The following MAP7D2 variants were observed in gnomAD, a reference collection of about 807,000 sequenced individuals.
MAP7D2 encodes the protein MAP7 domain-containing protein 2.
In MAP7D2, 33 loss-of-function variants were observed where a neutral mutation model predicts 63.5. The ratio of observed to expected loss-of-function variants is 0.52; its 90% confidence interval spans 0.39 to 0.70. MAP7D2 has a LOEUF of 0.70. Ranked by LOEUF, MAP7D2 falls within the 30% of genes least tolerant of loss-of-function variation. MAP7D2 has a pLI of 0.00. For missense variants in MAP7D2, 626 were observed against 604.0 expected (o/e 1.04, Z -0.38); for synonymous variants, 224 against 223.7 (o/e 1.00, Z -0.01).
chrX:20,052,898 A>G lies in MAP7D2; in HGVS notation c.575T>C (p.Ile192Thr). ...NKRLSSSTVA[I>T]SYSPDRAHHM... ...CTTGCCTCGGTCTGGGGAATAGGAT[A>G]TTGCCACGGTGGATGAAGACAGGCG... is the stretch of plus-strand genomic sequence containing the variant. The change falls in exon 5 of 17, where the codon ATA becomes ACA. Residue 192 changes from isoleucine (I) to threonine (T), a missense_variant. Coordinates refer to ENST00000379643, the MANE Select transcript of MAP7D2 (RefSeq NM_001168465.2). The G allele has an allele frequency of 8.3e-7, 1 of 1,208,850 alleles. No homozygotes were observed. The highest frequency in any genetic ancestry group is 1.1e-6 in the Non-Finnish European group (1 of 892,543).
intron 8 of MAP7D2, 42 bp from the exon 9 acceptor site, chrX:20,025,994 G>C (rs751496785): frequency 3.4e-6 from 4 of 1,171,328 alleles, no homozygotes; most frequent in Non-Finnish European, 4.6e-6. Flanking sequence ...TACTGGGCCT[G>C]AACACAGAGC....
intron 1 of MAP7D2, among the ~76,000 whole-genome samples, chrX:20,112,116 C>T (rs749269459): frequency 3.6e-5 from 4 of 111,769 alleles, no homozygotes; most frequent in Non-Finnish European, 5.6e-5. Context: ...ACGGATGAAG[C>T]GGGTGAGATG....
chrX:20,037,964 C>T (rs890078091), intron 8 of MAP7D2, among the ~76,000 whole-genome samples: 2 of 111,512 alleles, frequency 1.8e-5, no homozygotes, highest in African/African-American at 6.5e-5. Flanking sequence ...AAAGTGGCCA[C>T]GGTGGCAGGG....
chrX:20,065,824 T>C (rs1188775252), intron 1 of MAP7D2, among the ~76,000 whole-genome samples: 1 of 112,083 alleles, frequency 8.9e-6, no homozygotes, highest in East Asian at 2.8e-4. Flanking sequence ...ATTAAATGGA[T>C]CTTCATGATC....
Position 20,013,111 on chromosome X carries a change from C to G in MAP7D2, c.1828G>C (p.Val610Leu). ...QVKKEDPKVGVQPAVCVEKKT... is the reference protein window; with the variant it reads ...QVKKEDPKVGLQPAVCVEKKT... ...TTTTCCACACACACAGCAGGCTGGA[C>G]CCCCACTTTGGGGTCTTCTTTCTGA... Residue 610 changes from valine to leucine, a missense_variant, in exon 14 of 17, where the codon GTC (valine) becomes CTC (leucine). Transcript: ENST00000379643. The G allele has an allele frequency of 8.3e-7, 1 of 1,209,385 alleles. No homozygotes were observed. Among genetic ancestry groups the G allele is most frequent in the Non-Finnish European group, 1.1e-6 (1 of 893,764 alleles).
intron 1 of MAP7D2, among the ~76,000 whole-genome samples, chrX:20,086,960 G>A (rs980967584): frequency 1.4e-4 from 16 of 111,160 alleles, no homozygotes; most frequent in Admixed American, 5.8e-4. Flanking sequence ...TATGCAGTAA[G>A]TACTATTATT....
rs1262322770 is a variant in MAP7D2, at chrX:20,007,671, G to C, written c.*754C>G. 1.8e-5 allele frequency: 2 copies of C among 111,732 alleles called. No individual in the cohort carries two copies. Among genetic ancestry groups the C allele is most frequent in the African/African-American group, 6.5e-5 (2 of 30,696 alleles). The allele number at this position is 111,732 out of a possible 1,213,427, so 9.2% of individuals were successfully genotyped here. Reference sequence around the variant, plus strand: ...CAGCTGGAAAGCCACTCCATGGTCTGGAGTGACTACAGCATGAAGATTTTA... The same window carrying C: ...CAGCTGGAAAGCCACTCCATGGTCTCGAGTGACTACAGCATGAAGATTTTA... On this transcript the variant is annotated 3_prime_UTR_variant, in exon 17 of 17. Coordinates refer to ENST00000379643, the MANE Select transcript of MAP7D2 (RefSeq NM_001168465.2).
chrX:20,057,932 G>A (rs1396884127), intron 3 of MAP7D2, among the ~76,000 whole-genome samples: 5 of 112,446 alleles, frequency 4.4e-5, no homozygotes, highest in African/African-American at 1.6e-4. Context: ...TATCCCTTCT[G>A]TCTATACCAG....
chrX:20,069,573 G>A, intron 1 of MAP7D2, among the ~76,000 whole-genome samples: 1 of 109,230 alleles, frequency 9.2e-6, no homozygotes, highest in Non-Finnish European at 1.9e-5. Context: ...AACTTATGGA[G>A]AACAGATCCA....
At chrX:20,050,081 G>T (rs753511632) in intron 6 of MAP7D2, among the ~76,000 whole-genome samples, 2 of 112,231 alleles carry the variant, frequency 1.8e-5, no homozygotes, top group East Asian at 5.6e-4. Flanking sequence ...CTGGAGAACA[G>T]AGAGTAGACC....
intron 1 of MAP7D2, among the ~76,000 whole-genome samples, chrX:20,074,783 G>C (rs2065602490): frequency 8.9e-6 from 1 of 111,792 alleles, no homozygotes; most frequent in Admixed American, 9.5e-5. Context: ...AGGCGCGGTG[G>C]TTTACTCCTG....
intron 12 of MAP7D2, 133 bp downstream of exon 12, chrX:20,015,090 A>T (rs1183776933): frequency 4.4e-6 from 2 of 452,320 alleles, no homozygotes; most frequent in Non-Finnish European, 7.6e-6. Flanking sequence ...AAGACATAAA[A>T]GATTTGAACA....
Position 20,057,415 on chromosome X carries a change from G to A in MAP7D2, c.373-624C>T, listed in dbSNP as rs189862911. On this transcript the variant is annotated intron_variant, in intron 3 of 16. Transcript: ENST00000379643. ...GCCACAAAAAAAAAAGCATCCATGC[G>A]TTCCCAGAGTTACTTAGGTGGAGGA... 1.1e-3 allele frequency among the ~76,000 whole-genome samples: 127 copies of A among 111,049 alleles called. 2 individuals are homozygous for A. Among genetic ancestry groups the A allele is most frequent in the South Asian group, 8.8e-3 (23 of 2,621 alleles).
At position 20,015,272 on chromosome X, in the gene MAP7D2, C is replaced by T. The variant is rs749779755; in HGVS notation, c.1700G>A (p.Arg567Lys). Residue 567 changes from arginine (R) to lysine (K), a missense_variant, in exon 12 of 17, where the codon AGA becomes AAA. Coordinates refer to ENST00000379643, the MANE Select transcript of MAP7D2 (RefSeq NM_001168465.2). ...CTCAATCTGCAGCATAATCTGTTCT[C>T]TCTCGAGACGCATCTGTTCAGCTAC... ...REVAEQMRLE[R>K]EQIMLQIEQE... 4 of 1,211,374 alleles carry T rather than the reference C, an allele frequency of 3.3e-6. No homozygotes were observed. The highest frequency in any genetic ancestry group is 4.5e-6 in the Non-Finnish European group (4 of 895,344).
chrX:20,080,143 C>T (rs778612106), intron 1 of MAP7D2, among the ~76,000 whole-genome samples: 1 of 110,991 alleles, frequency 9.0e-6, no homozygotes, highest in Non-Finnish European at 1.9e-5. Flanking sequence ...CCAATATGCA[C>T]AGCATATTCT....
At chrX:20,026,435 A>ACTCTCCATTCCCCTCCCC (rs2073846949) in intron 8 of MAP7D2, among the ~76,000 whole-genome samples, 1 of 111,741 alleles carries the variant, frequency 8.9e-6, no homozygotes, top group Non-Finnish European at 1.9e-5. Flanking sequence ...GCCCCTGGCA[A>ACTCTCCATTCCCCTCCCC]TCACCCTTCT....
At chrX:20,088,732 A>G (rs777607091) in intron 1 of MAP7D2, among the ~76,000 whole-genome samples, 5 of 109,726 alleles carry the variant, frequency 4.6e-5, no homozygotes, top group African/African-American at 1.3e-4. Context: ...TTAATTTTTG[A>G]TGGTTTGATT....
intron 1 of MAP7D2, among the ~76,000 whole-genome samples, chrX:20,102,427 C>A (rs866945119): frequency 1.8e-5 from 2 of 110,525 alleles, no homozygotes; most frequent in African/African-American, 6.6e-5. Context: ...CAAGCAGTCA[C>A]GTGCAAAGTG....
At chrX:20,008,457 G>A (rs2073071705) in intron 16 of MAP7D2, 59 bp from the exon 17 acceptor site, 1 of 112,328 alleles carries the variant, frequency 8.9e-6, no homozygotes, top group Non-Finnish European at 1.9e-5. Context: ...GTATTGTGCA[G>A]TTTGTAGCAC....
Sources: gnomAD v4.1 joint callset for allele counts (sites outside exome capture counted in the v4.1 genomes callset) on GRCh38, gnomAD v4.1.1 for gene constraint, MANE v1.5 for transcripts, NCBI Gene and HGNC (gene_info 2026-07-23, HGNC 2026-07-21) for gene names.